Variants in PIEZO2 observed in about 807,000 individuals in gnomAD.
The protein encoded by PIEZO2 is piezo type mechanosensitive ion channel component 2.
Under a neutral mutation model 337.3 loss-of-function variants are expected in PIEZO2, and 172 were observed. The observed-to-expected ratio is 0.51, with a 90% confidence interval of 0.45 to 0.58. PIEZO2 has a LOEUF of 0.58. Among genes scored for constraint, PIEZO2 ranks in the 20% least tolerant of loss-of-function variants. The pLI, the probability that PIEZO2 is intolerant of heterozygous loss-of-function variation, is 0.00. For missense variants in PIEZO2, 3,028 were observed against 3,391.3 expected (o/e 0.89, Z 2.66); for synonymous variants, 1,251 against 1,228.5 (o/e 1.02, Z -0.38).
chr18:11,031,824 C>T lies in PIEZO2; in HGVS notation c.160+34303G>A, dbSNP rs1568312726. 6.6e-6 allele frequency among the ~76,000 whole-genome samples: 1 copy of T among 152,150 alleles called. No homozygotes were observed. Among genetic ancestry groups the T allele is most frequent in the Non-Finnish European group, 1.5e-5 (1 of 68,036 alleles). On this transcript the variant is annotated intron_variant, in intron 2 of 55. Transcript: ENST00000674853. This position sits in a 1 kb window ranked among gnomAD's most constrained non-coding sequence, Gnocchi z 4.7. Reference sequence around the variant, plus strand: ...GCATGAGGTGTTGGCAAGCTCAGGGCAATGGCTATTTATTAATCTATTGGG... The same window carrying T: ...GCATGAGGTGTTGGCAAGCTCAGGGTAATGGCTATTTATTAATCTATTGGG...
chr18:10,808,218 C>T (rs1292494648), intron 7 of PIEZO2, among the ~76,000 whole-genome samples: 1 of 152,086 alleles, frequency 6.6e-6, no homozygotes, highest in Non-Finnish European at 1.5e-5. Context: ...CCTCCCAAGT[C>T]GCTAGGAACA....
In PIEZO2 at chr18:10,759,223, GTGTGTT is replaced by G. The variant is rs1323155935; in HGVS notation, c.3757+253_3757+258del. On this transcript the variant is annotated intron_variant, in intron 26 of 55. Transcript: ENST00000674853. The surrounding 1 kb of genome is among the most constrained non-coding windows in gnomAD (Gnocchi z 5.5). ...TGTAAATGTGTGTGTGTGTGTGTGTGTGTGTTTGTGTGTGTGTGTTGGGGGAAGTGA... is the reference window on the plus strand; with the variant it reads ...TGTAAATGTGTGTGTGTGTGTGTGTGTGTGTGTGTGTGTTGGGGGAAGTGA... 0.028 allele frequency among the ~76,000 whole-genome samples: 3,981 copies of G among 142,184 alleles called. 66 individuals carry two copies. Among genetic ancestry groups the G allele is most frequent in the South Asian group, 0.049 (230 of 4,666 alleles). The allele number at this position is 142,184 out of a possible 152,430, so 93.3% of individuals were successfully genotyped here. A position where few individuals can be genotyped will look rare whatever the true frequency, so the allele number is the denominator to read the frequency against.
At chr18:10,704,197 T>G (rs2035464929) in intron 42 of PIEZO2, 197 bp downstream of exon 42, 3 of 715,858 alleles carry the variant, frequency 4.2e-6, no homozygotes, top group Non-Finnish European at 2.2e-6. Flanking sequence ...TGAAAAGATT[T>G]TTAGAATTGC....
chr18:11,034,293 TC>T (rs1416762843), intron 2 of PIEZO2, among the ~76,000 whole-genome samples: 28 of 151,952 alleles, frequency 1.8e-4, no homozygotes, highest in African/African-American at 6.5e-4. Flanking sequence ...TCATTTCTTT[TC>T]TTTTCTTTTT....
intron 49 of PIEZO2, 130 bp downstream of exon 49, chr18:10,689,524 CT>C: frequency 1.6e-6 from 2 of 1,212,238 alleles, no homozygotes; most frequent in Non-Finnish European, 2.4e-6. Context: ...TTGGAAATCA[CT>C]GGGACATTTA....
At chr18:10,829,145 T>C (rs2040767397) in intron 7 of PIEZO2, among the ~76,000 whole-genome samples, 1 of 152,206 alleles carries the variant, frequency 6.6e-6, no homozygotes, top group African/African-American at 2.4e-5. Context: ...TGAACTTCTC[T>C]AAAATACAAG....
At chr18:10,709,784 T>C (rs2035744829) in intron 39 of PIEZO2, among the ~76,000 whole-genome samples, 1 of 152,224 alleles carries the variant, frequency 6.6e-6, no homozygotes. Context: ...ATGTTACAGC[T>C]ATGTGACCAA....
chr18:10,978,260 C>T (rs770300426), intron 3 of PIEZO2, among the ~76,000 whole-genome samples: 1 of 151,706 alleles, frequency 6.6e-6, no homozygotes, highest in South Asian at 2.1e-4. Flanking sequence ...GGTGTGAACC[C>T]GGGAGGCAGA....
intron 47 of PIEZO2, among the ~76,000 whole-genome samples, chr18:10,695,578 C>A (rs2035045267): frequency 6.6e-6 from 1 of 152,134 alleles, no homozygotes; most frequent in East Asian, 1.9e-4. Flanking sequence ...GCAGTTAACC[C>A]CCACCAGTCT....
In PIEZO2 at chr18:10,797,198, CATCAT is replaced by C. The variant is rs145542001; in HGVS notation, c.1527+171_1527+175del. ...ATACCTACCATCATATCATACATAC[CATCAT>C]ATCATATCTTACATACCATCATATA... On this transcript the variant is annotated intron_variant, in intron 12 of 55. Coordinates refer to ENST00000674853, the MANE Select transcript of PIEZO2 (RefSeq NM_001378183.1). Among the ~76,000 whole-genome samples the C allele has an allele frequency of 0.1, 9,879 of 98,864 alleles. 493 individuals carry two copies. The highest frequency in any genetic ancestry group is 0.18 in the Middle Eastern group (28 of 154). 64.9% of individuals were successfully genotyped at this position (98,864 alleles called of 152,430 possible).
In PIEZO2 at chr18:11,149,197, G is replaced by A. The variant is rs1166682428; in HGVS notation, c.-609C>T. Among the ~76,000 whole-genome samples, 1 of 151,932 alleles carries A rather than the reference G, an allele frequency of 6.6e-6. No homozygotes were observed. On this transcript the variant is annotated 5_prime_UTR_variant, in exon 1 of 56. Transcript: ENST00000674853. The surrounding 1 kb of genome is among the most constrained non-coding windows in gnomAD (Gnocchi z 8.7). ...CTCCAGCCCCCAGGCGGCCCGCGGC[G>A]GATCCCCGAGAGGCAGCGCAGCTCA...
At chr18:10,851,155 C>CTTTTTTTTTTTTTTTTTTTT (rs10592305) in intron 7 of PIEZO2, among the ~76,000 whole-genome samples, 1 of 127,934 alleles carries the variant, frequency 7.8e-6, no homozygotes, top group Non-Finnish European at 1.6e-5. Flanking sequence ...TTTCTTTTAT[C>CTTTTTTTTTTTTTTTTTTTT]TTTTTTTTTT....
At chr18:10,890,609 C>T (rs974891288) in intron 4 of PIEZO2, 1 of 152,154 alleles carries the variant, frequency 6.6e-6, no homozygotes, top group Non-Finnish European at 1.5e-5. Context: ...CCTTAGAAAA[C>T]CATCAGATCT....
intron 1 of PIEZO2, among the ~76,000 whole-genome samples, chr18:11,103,826 CGT>C (rs760408388): frequency 1.3e-5 from 2 of 149,502 alleles, no homozygotes; most frequent in Admixed American, 6.7e-5. Flanking sequence ...TGCGTGTGTG[CGT>C]GTGTGTGTGT....
At chr18:11,073,058 T>C (rs2145945656) in intron 1 of PIEZO2, among the ~76,000 whole-genome samples, 2 of 152,350 alleles carry the variant, frequency 1.3e-5, no homozygotes, top group Middle Eastern at 6.8e-3. Context: ...TCAAAATACA[T>C]ATATTAAGGA....
chr18:10,705,516 G>T lies in PIEZO2; in HGVS notation c.5819C>A (p.Ala1940Asp), dbSNP rs116667912. The change falls in exon 41 of 56, where the codon GCC (alanine) becomes GAC (aspartate). Residue 1940 changes from alanine (A) to aspartate (D), a missense_variant. Ala to Asp is a moderately radical substitution (Grantham distance 126). Transcript: ENST00000674853. Reference protein sequence around the residue: ...QFSTLDGDVEAPPSYSKAVSF... With the variant: ...QFSTLDGDVEDPPSYSKAVSF... ...CACAGCCTTGCTGTAGGAGGGTGGG[G>T]CCTCCACATCCCCGTCCAAGGTGGA... 7.0e-4 allele frequency: 1,073 copies of T among 1,537,236 alleles called. 10 individuals are homozygous for T. The African/African-American group carries it at 0.014, about 20-fold the overall frequency.
chr18:10,698,133 A>T (rs1196657098), intron 44 of PIEZO2, among the ~76,000 whole-genome samples: 2 of 152,224 alleles, frequency 1.3e-5, no homozygotes, highest in Non-Finnish European at 2.9e-5. Context: ...AACTGGAAGG[A>T]TAGTTTTTAT....
intron 34 of PIEZO2, 92 bp downstream of exon 34, chr18:10,736,512 A>T: frequency 6.8e-7 from 1 of 1,477,106 alleles, no homozygotes; most frequent in Non-Finnish European, 9.0e-7. Flanking sequence ...ATGACATATG[A>T]ATATTACAGG....
chr18:10,939,612 T>C (rs28661257), intron 3 of PIEZO2, among the ~76,000 whole-genome samples: 4,568 of 152,276 alleles, frequency 0.03, 226 homozygotes, highest in African/African-American at 0.1. Context: ...TTCATGTCCT[T>C]TGCAGGGACA....
Sources: gnomAD v4.1 joint callset for allele counts (sites outside exome capture counted in the v4.1 genomes callset) on GRCh38, gnomAD v4.1.1 for gene constraint, Gnocchi (gnomAD v3.1) non-coding constraint, MANE v1.5 for transcripts, NCBI Gene and HGNC (gene_info 2026-07-23, HGNC 2026-07-21) for gene names.